Variants in NRXN3 observed in about 807,000 individuals in gnomAD.
The protein encoded by NRXN3 is neurexin III.
A neutral mutation model predicts 137.6 loss-of-function variants in NRXN3; 32 were observed. The ratio of observed to expected loss-of-function variants is 0.23; its 90% confidence interval spans 0.18 to 0.31. The LOEUF (loss-of-function observed/expected upper bound fraction) is 0.31, where lower values mean the gene tolerates loss of function less well. Among genes scored for constraint, NRXN3 ranks in the 10% least tolerant of loss-of-function variants. NRXN3 has a pLI of 1.00. For synonymous variants in NRXN3, 798 were observed against 784.5 expected (o/e 1.02, Z -0.29); for missense variants, 1,574 against 2,062.5 (o/e 0.76, Z 4.59).
At chr14:79,364,583 C>G (rs2093807175) in intron 15 of NRXN3, among the ~76,000 whole-genome samples, 1 of 152,076 alleles carries the variant, frequency 6.6e-6, no homozygotes, top group Admixed American at 6.5e-5. Context: ...TTAAACCAAA[C>G]AAAAGAAAAA....
chr14:79,438,999 G>C (rs1401354791), intron 15 of NRXN3, among the ~76,000 whole-genome samples: 1 of 152,234 alleles, frequency 6.6e-6, no homozygotes, highest in African/African-American at 2.4e-5. Context: ...ATTGAAACAA[G>C]ATTTTGAAGT....
At chr14:78,631,622 A>G (rs1362814009) in intron 4 of NRXN3, among the ~76,000 whole-genome samples, 1 of 152,130 alleles carries the variant, frequency 6.6e-6, no homozygotes, top group African/African-American at 2.4e-5. Flanking sequence ...GAGGCTTAAT[A>G]CTCTCAGTTT....
At chr14:79,299,636 C>T (rs1242862463) in intron 15 of NRXN3, among the ~76,000 whole-genome samples, 1 of 151,978 alleles carries the variant, frequency 6.6e-6, no homozygotes, top group Non-Finnish European at 1.5e-5. Context: ...TTTTTACATA[C>T]CCAAAAAACT....
chr14:78,263,703 G>A (rs774506190), intron 2 of NRXN3, among the ~76,000 whole-genome samples: 2 of 151,958 alleles, frequency 1.3e-5, no homozygotes, highest in East Asian at 3.9e-4. Context: ...TTACCGACAC[G>A]GCTTCTACTA....
intron 4 of NRXN3, among the ~76,000 whole-genome samples, chr14:78,519,936 A>T (rs2096263485): frequency 1.3e-5 from 2 of 152,228 alleles, no homozygotes; most frequent in South Asian, 4.1e-4. Flanking sequence ...GGTATGCAAC[A>T]GTGAACATTT....
intron 16 of NRXN3, among the ~76,000 whole-genome samples, chr14:79,648,966 A>C (rs1170364053): frequency 6.6e-6 from 1 of 152,174 alleles, no homozygotes; most frequent in Non-Finnish European, 1.5e-5. Flanking sequence ...TTTTGAAGTC[A>C]ATACAAAGTA....
At chr14:78,535,737 C>T in intron 4 of NRXN3, among the ~76,000 whole-genome samples, 1 of 152,180 alleles carries the variant, frequency 6.6e-6, no homozygotes, top group Non-Finnish European at 1.5e-5. Context: ...GGTAAAGCAA[C>T]TTGAACTTTC....
At chr14:78,556,028 G>A (rs1056992060) in intron 4 of NRXN3, among the ~76,000 whole-genome samples, 1 of 152,158 alleles carries the variant, frequency 6.6e-6, no homozygotes, top group Admixed American at 6.5e-5. Context: ...TTTTTCAAAG[G>A]CAAGGTTCCT....
chr14:78,252,322 C>T, intron 2 of NRXN3, among the ~76,000 whole-genome samples: 1 of 152,052 alleles, frequency 6.6e-6, no homozygotes, highest in Admixed American at 6.5e-5. Context: ...AAAAACAGTG[C>T]ACCATCCAAA....
chr14:79,838,254 A>G (rs1051326369), intron 20 of NRXN3, among the ~76,000 whole-genome samples: 2 of 152,190 alleles, frequency 1.3e-5, no homozygotes, highest in Non-Finnish European at 2.9e-5. Context: ...GGCTAACAGC[A>G]TTGAAATAAG....
intron 1 of NRXN3, among the ~76,000 whole-genome samples, chr14:78,232,091 CTCTGCAGGAGGTGTGG>C (rs2153438238): frequency 6.6e-6 from 1 of 152,382 alleles, no homozygotes; most frequent in South Asian, 2.1e-4. Context: ...CATCACATTG[CTCTGCAGGAGGTGTGG>C]TCTGTGCCTC....
At chr14:78,523,017 A>G (rs2096308561) in intron 4 of NRXN3, among the ~76,000 whole-genome samples, 1 of 152,252 alleles carries the variant, frequency 6.6e-6, no homozygotes, top group South Asian at 2.1e-4. Flanking sequence ...ATTTTAAAAT[A>G]TATTAAAATC....
intron 4 of NRXN3, among the ~76,000 whole-genome samples, chr14:78,507,198 A>G (rs2096011039): frequency 6.6e-6 from 1 of 152,204 alleles, no homozygotes; most frequent in Non-Finnish European, 1.5e-5. Context: ...TACCTCATGA[A>G]GTCCTCAAAA....
chr14:78,270,631 C>T (rs1462209694), intron 2 of NRXN3, among the ~76,000 whole-genome samples: 1 of 152,184 alleles, frequency 6.6e-6, no homozygotes, highest in Non-Finnish European at 1.5e-5. Flanking sequence ...TTTCAGTTTA[C>T]AAGAGATGTG....
At chr14:79,055,160 A>G (rs1259342569) in intron 15 of NRXN3, among the ~76,000 whole-genome samples, 4 of 152,118 alleles carry the variant, frequency 2.6e-5, no homozygotes, top group South Asian at 2.1e-4. Context: ...CATTCCACCA[A>G]ATCGGAACTT....
At position 78,193,210 on chromosome 14, in the gene NRXN3, T is replaced by A. The variant is rs373722970; in HGVS notation, c.-704+22536T>A. ...TTTCTTTCAAACAATTATGGAAGAT[T>A]AGTGCTAAATTAAACTTTGGAGCTT... is the stretch of plus-strand genomic sequence containing the variant. On this transcript the variant is annotated intron_variant, in intron 1 of 20. Transcript: ENST00000335750. 1.8e-3 allele frequency among the ~76,000 whole-genome samples: 269 copies of A among 152,268 alleles called. 3 individuals carry two copies. Among genetic ancestry groups the A allele is most frequent in the African/African-American group, 5.8e-3 (242 of 41,548 alleles).
chr14:78,260,332 G>A (rs2070473646), intron 2 of NRXN3, among the ~76,000 whole-genome samples: 1 of 152,164 alleles, frequency 6.6e-6, no homozygotes, highest in African/African-American at 2.4e-5. Flanking sequence ...GGAGGTCCAG[G>A]GCTTTTACTG....
At chr14:79,081,395 C>T (rs574971536) in intron 15 of NRXN3, among the ~76,000 whole-genome samples, 1 of 152,096 alleles carries the variant, frequency 6.6e-6, no homozygotes, top group Non-Finnish European at 1.5e-5. Flanking sequence ...GCGGGCAGAT[C>T]ATGAGGTCAG....
intron 20 of NRXN3, among the ~76,000 whole-genome samples, chr14:79,857,293 C>G (rs544873969): frequency 6.6e-6 from 1 of 152,300 alleles, no homozygotes; most frequent in African/African-American, 2.4e-5. Flanking sequence ...GTGATCTCGG[C>G]TCACTGCAAG....
Sources: gnomAD v4.1 joint callset for allele counts (sites outside exome capture counted in the v4.1 genomes callset) on GRCh38, gnomAD v4.1.1 for gene constraint, MANE v1.5 for transcripts, NCBI Gene and HGNC (gene_info 2026-07-23, HGNC 2026-07-21) for gene names.